Variants in PTPRT observed in about 807,000 individuals in gnomAD.
PTPRT encodes receptor-type tyrosine-protein phosphatase T.
PTPRT carries 56 observed loss-of-function variants against 176.8 expected under a neutral mutation model. The ratio of observed to expected loss-of-function variants is 0.32; its 90% CI spans 0.26 to 0.40. The LOEUF is 0.40. Among genes scored for constraint, PTPRT ranks in the 10% least tolerant of loss-of-function variants. The pLI is 1.00. For missense variants in PTPRT, 1,540 were observed against 1,908.2 expected (o/e 0.81, Z 3.60); for synonymous variants, 783 against 739.0 (o/e 1.06, Z -0.96).
Position 42,558,151 on chromosome 20 carries a change from C to T in PTPRT, c.1154-85589G>A, listed in dbSNP as rs1157580814. Among the ~76,000 whole-genome samples the T allele has an allele frequency of 2.6e-5, 4 of 152,166 alleles. No homozygotes were observed. The East Asian group carries it at 7.7e-4, about 29-fold the overall frequency. ...CATCTCCCTTCTCCCACCTTCCACC[C>T]TCTGAAAGGCCCCAGTGTGTGTTGT... On this transcript the variant is annotated intron_variant, in intron 7 of 30. Coordinates refer to ENST00000373187, the MANE Select transcript of PTPRT (RefSeq NM_007050.6).
In PTPRT at chr20:42,199,372, G is replaced by T; in HGVS notation, c.2359C>A (p.Gln787Lys). ...YSYYLKLAKK[Q>K]KETQSGAQRE... ...TGGGCTCCACTCTGGGTCTCCTTCT[G>T]CTTCTTGGCCAGCTTCCTTTGGGAC... The change falls in exon 16 of 31, where the codon CAG becomes AAG. Residue 787 changes from glutamine to lysine, a missense_variant. By Grantham distance (53) the Gln-to-Lys change is moderately conservative (BLOSUM62 1). Around this residue, in one of 11 missense-constraint regions of PTPRT, gnomAD observed 255 missense variants for 250.1 expected, o/e 1.02. Coordinates refer to ENST00000373187, the MANE Select transcript of PTPRT (RefSeq NM_007050.6). 3.1e-6 allele frequency: 5 copies of T among 1,613,816 alleles called. No homozygotes were observed. The highest frequency in any genetic ancestry group is 1.1e-5 in the South Asian group (1 of 90,982).
intron 11 of PTPRT, among the ~76,000 whole-genome samples, chr20:42,316,808 C>T (rs921752911): frequency 3.3e-5 from 5 of 152,182 alleles, no homozygotes; most frequent in Non-Finnish European, 7.3e-5. Flanking sequence ...CCTCTGGTTT[C>T]CTCCAAAGGC....
chr20:42,643,510 T>TGAAGTGCTCTTCATGA (rs2074813217), intron 7 of PTPRT, among the ~76,000 whole-genome samples: 2 of 151,122 alleles, frequency 1.3e-5, no homozygotes, highest in African/African-American at 4.9e-5. Context: ...TGAGACAAGG[T>TGAAGTGCTCTTCATGA]TTTGCTACGT....
At chr20:42,177,445 G>A (rs889720075) in intron 16 of PTPRT, among the ~76,000 whole-genome samples, 6 of 152,144 alleles carry the variant, frequency 3.9e-5, no homozygotes, top group Non-Finnish European at 7.4e-5. Context: ...AAATCTGATG[G>A]CCTTAACCCT....
At chr20:42,240,559 A>G (rs1430953136) in intron 14 of PTPRT, among the ~76,000 whole-genome samples, 2 of 152,210 alleles carry the variant, frequency 1.3e-5, no homozygotes, top group African/African-American at 2.4e-5. Context: ...CTTTTGTTCC[A>G]TACAATTTAA....
intron 19 of PTPRT, among the ~76,000 whole-genome samples, chr20:42,121,479 A>G (rs2146335642): frequency 1.3e-5 from 2 of 152,268 alleles, no homozygotes; most frequent in East Asian, 3.9e-4. Flanking sequence ...AGCTGTTGAC[A>G]AACCAACTAG....
intron 7 of PTPRT, among the ~76,000 whole-genome samples, chr20:42,598,832 G>C (rs1012087970): frequency 8.5e-5 from 13 of 152,120 alleles, no homozygotes; most frequent in Non-Finnish European, 1.8e-4. Context: ...CGCCCATCAG[G>C]CTGTAAGGGT....
At chr20:42,092,422 G>A (rs1984714875) in intron 27 of PTPRT, among the ~76,000 whole-genome samples, 3 of 152,214 alleles carry the variant, frequency 2.0e-5, no homozygotes, top group Non-Finnish European at 2.9e-5. Context: ...AAGACAGAAT[G>A]AACTTGGCTA....
At chr20:42,645,680 G>T (rs1027326902) in intron 7 of PTPRT, among the ~76,000 whole-genome samples, 1 of 151,906 alleles carries the variant, frequency 6.6e-6, no homozygotes, top group Non-Finnish European at 1.5e-5. Context: ...GGAGGTCTCT[G>T]GGAATAGAGG....
intron 3 of PTPRT, among the ~76,000 whole-genome samples, chr20:42,787,773 C>T (rs62205407): frequency 0.024 from 3,718 of 152,276 alleles, 62 homozygotes; most frequent in Middle Eastern, 0.095. Flanking sequence ...GGTGGTAAAA[C>T]CTGAACACAG....
chr20:42,443,686 T>C (rs1268368255), intron 9 of PTPRT, among the ~76,000 whole-genome samples: 7 of 152,050 alleles, frequency 4.6e-5, no homozygotes, highest in Admixed American at 6.6e-5. Context: ...AGGGTCAGGG[T>C]GAGACACCCA....
intron 7 of PTPRT, among the ~76,000 whole-genome samples, chr20:42,662,220 C>A (rs1176027025): frequency 6.6e-6 from 1 of 152,148 alleles, no homozygotes; most frequent in African/African-American, 2.4e-5. Context: ...CTGGTTACTA[C>A]CAGTTTGAAA....
intron 1 of PTPRT, among the ~76,000 whole-genome samples, chr20:43,088,836 A>T (rs2011711318): frequency 1.3e-5 from 2 of 152,092 alleles, no homozygotes; most frequent in Admixed American, 1.3e-4. Flanking sequence ...TCCAGGGAAG[A>T]ACTTCTCACT....
intron 7 of PTPRT, among the ~76,000 whole-genome samples, chr20:42,592,347 C>T: frequency 6.6e-6 from 1 of 152,168 alleles, no homozygotes; most frequent in East Asian, 1.9e-4. Context: ...TCCACTTGTG[C>T]TTCTCTGTCT....
intron 7 of PTPRT, among the ~76,000 whole-genome samples, chr20:42,562,898 T>G (rs2072975919): frequency 6.6e-6 from 1 of 152,146 alleles, no homozygotes; most frequent in African/African-American, 2.4e-5. Flanking sequence ...TTACATCCCC[T>G]TTATACAGAA....
chr20:42,135,332 A>T (rs1988320562), intron 18 of PTPRT, among the ~76,000 whole-genome samples: 1 of 152,248 alleles, frequency 6.6e-6, no homozygotes, highest in Non-Finnish European at 1.5e-5. Context: ...AGAAATTAAC[A>T]CAACTATATA....
At chr20:42,229,855 AT>A (rs11480570) in intron 15 of PTPRT, among the ~76,000 whole-genome samples, 220 of 151,268 alleles carry the variant, frequency 1.5e-3, no homozygotes, top group African/African-American at 5.1e-3. Context: ...AAATGATGTC[AT>A]TTTTTTTTCT....
chr20:42,768,419 A>C (rs1025625199), intron 5 of PTPRT, among the ~76,000 whole-genome samples: 2 of 151,624 alleles, frequency 1.3e-5, no homozygotes, highest in Non-Finnish European at 3.0e-5. Flanking sequence ...GGTGGGGAAC[A>C]TTGTTCATTG....
At chr20:43,158,274 T>C (rs139578456) in intron 1 of PTPRT, among the ~76,000 whole-genome samples, 1 of 152,310 alleles carries the variant, frequency 6.6e-6, no homozygotes, top group East Asian at 1.9e-4. Context: ...GCAGTTGCCA[T>C]TGACTGACAT....
Sources: allele counts gnomAD v4.1 joint callset (sites outside exome capture counted in the v4.1 genomes callset), GRCh38; gene constraint gnomAD v4.1.1; regional missense constraint gnomAD v4.1.1; transcripts MANE v1.5; gene names NCBI Gene and HGNC (gene_info 2026-07-23, HGNC 2026-07-21).